The following ABCC11 variants were observed in gnomAD, a reference collection of about 807,000 sequenced individuals.
ABCC11 encodes ATP binding cassette subfamily C member 11.
A neutral mutation model predicts 149.3 loss-of-function variants in ABCC11; 135 were observed. The observed-to-expected ratio is 0.90, with a 90% CI of 0.79 to 1.04. The LOEUF (loss-of-function observed/expected upper bound fraction) is 1.04, where lower values mean the gene tolerates loss of function less well. ABCC11 is among the 50% of genes least tolerant of loss of function. ABCC11 has a pLI of 0.00. For missense variants in ABCC11, 1,680 were observed against 1,722.1 expected (o/e 0.98, Z 0.43); for synonymous variants, 665 against 671.4 (o/e 0.99, Z 0.15).
chr16:48,230,648 G>T (rs1970367949), intron 2 of ABCC11, 75 bp from the exon 3 acceptor site: 2 of 1,378,772 alleles, frequency 1.5e-6, no homozygotes, highest in Non-Finnish European at 1.9e-6. Context: ...TGGACCAGCT[G>T]CCCATGGAGA....
Position 48,177,438 on chromosome 16 carries a change from C to T in ABCC11, c.3349-325G>A, listed in dbSNP as rs150328299. Among the ~76,000 whole-genome samples, 1,056 of 152,320 alleles carry T rather than the reference C, an allele frequency of 6.9e-3. 13 individuals are homozygous for T. The highest frequency in any genetic ancestry group is 0.024 in the African/African-American group (992 of 41,578). ...TAAAGGCAGCAGAGACTCCCCCCTT[C>T]GGGGGGGTTCATAGCTCAGAGCCCT... On this transcript the variant is annotated intron_variant, in intron 24 of 29. Coordinates refer to ENST00000356608, the MANE Select transcript of ABCC11 (RefSeq NM_001370497.1).
chr16:48,182,046 G>A (rs1966467790), intron 23 of ABCC11, among the ~76,000 whole-genome samples: 1 of 152,126 alleles, frequency 6.6e-6, no homozygotes, highest in Non-Finnish European at 1.5e-5. Flanking sequence ...AGCTGTTATT[G>A]CACTCCCAGT....
intron 6 of ABCC11, among the ~76,000 whole-genome samples, chr16:48,221,376 C>A (rs949552471): frequency 6.6e-6 from 1 of 151,956 alleles, no homozygotes; most frequent in Non-Finnish European, 1.5e-5. Flanking sequence ...TCCCAGTATC[C>A]CCCACAACTA....
intron 2 of ABCC11, among the ~76,000 whole-genome samples, chr16:48,230,978 A>G (rs1171267163): frequency 6.6e-6 from 1 of 152,224 alleles, no homozygotes; most frequent in Non-Finnish European, 1.5e-5. Context: ...CTAAAATAAA[A>G]GGACAGGTAA....
chr16:48,175,454 G>T, intron 25 of ABCC11, 37 bp from the exon 26 acceptor site: 1 of 1,586,436 alleles, frequency 6.3e-7, no homozygotes, highest in South Asian at 1.1e-5. Flanking sequence ...TCAGTTTCCT[G>T]CATCTGCACT....
chr16:48,216,212 A>G lies in ABCC11; in HGVS notation c.853T>C (p.Cys285Arg). 6.2e-7 allele frequency: 1 copy of G among 1,613,866 alleles called. No individual in the cohort carries two copies. Among genetic ancestry groups the G allele is most frequent in the Non-Finnish European group, 8.5e-7 (1 of 1,179,706 alleles). ...VCYGPLVLITCASLVICSISS... is the reference protein window; with the variant it reads ...VCYGPLVLITRASLVICSISS... ...ATGCTGCAGATGACCAGCGATGCGC[A>G]GGTGATCAGTACTAGGGGTCCATAG... Residue 285 changes from cysteine (C) to arginine (R), a missense_variant, in exon 7 of 30, where the codon TGC (cysteine) becomes CGC (arginine). Cys to Arg is a radical substitution (Grantham distance 180). Coordinates refer to ENST00000356608, the MANE Select transcript of ABCC11 (RefSeq NM_001370497.1).
intron 4 of ABCC11, among the ~76,000 whole-genome samples, chr16:48,226,578 A>G (rs1226167634): frequency 1.3e-5 from 2 of 152,130 alleles, no homozygotes; most frequent in Admixed American, 1.3e-4. Flanking sequence ...CACCCGGCCA[A>G]TCCATTATTT....
At chr16:48,237,260 G>A (rs976784479) in intron 1 of ABCC11, among the ~76,000 whole-genome samples, 1 of 152,092 alleles carries the variant, frequency 6.6e-6, no homozygotes, top group Non-Finnish European at 1.5e-5. Context: ...TCACAAGGTA[G>A]GGCACATTGT....
rs11866251 is a variant in ABCC11, at chr16:48,193,951, G to A, written c.2436C>T (p.Phe812=). 264,319 of 1,612,814 alleles carry A rather than the reference G, an allele frequency of 0.16. 23,747 individuals carry two copies. Among genetic ancestry groups the A allele is most frequent in the African/African-American group, 0.25 (18,502 of 74,966 alleles). The change falls in exon 19 of 30, where the codon TTC becomes TTT. Residue 812 remains phenylalanine (F), a synonymous_variant. Transcript: ENST00000356608. ...GYMVSCIIFF[F]VVLIVFLTIF... ...TCGTTAAGAAGACGATCAGCACCAC[G>A]AAGAAGAAAATTATGCAAGAGACCA... is the stretch of plus-strand genomic sequence containing the variant.
intron 1 of ABCC11, chr16:48,244,278 C>T: frequency 2.7e-6 from 2 of 745,844 alleles, no homozygotes; most frequent in Middle Eastern, 2.5e-4. Flanking sequence ...TAGCGCGTAG[C>T]CGGAAGCGGA....
chr16:48,222,582 A>T lies in ABCC11; in HGVS notation c.777+16T>A. The T allele has an allele frequency of 2.5e-6, 4 of 1,606,492 alleles. No individual in the cohort carries two copies. Among genetic ancestry groups the T allele is most frequent in the Non-Finnish European group, 3.4e-6 (4 of 1,173,132 alleles). On this transcript the variant is annotated intron_variant, in intron 6 of 29. Coordinates refer to ENST00000356608, the MANE Select transcript of ABCC11 (RefSeq NM_001370497.1). ...TAGGGAAGCATGGCCCAGAATAGGC[A>T]GTCCCAGCTGCTTACCTCTCCTGAG...
At chr16:48,233,895 T>C (rs886969415) in intron 1 of ABCC11, among the ~76,000 whole-genome samples, 3 of 152,264 alleles carry the variant, frequency 2.0e-5, no homozygotes, top group Non-Finnish European at 2.9e-5. Context: ...TATATGTTGG[T>C]TGAATCTTCA....
chr16:48,243,127 G>A (rs1448728495), intron 1 of ABCC11, among the ~76,000 whole-genome samples: 12 of 151,558 alleles, frequency 7.9e-5, no homozygotes, highest in Non-Finnish European at 1.3e-4. Context: ...TTGGACGGGC[G>A]CAGTGGCTCA....
rs1274168598 is a variant in ABCC11, at chr16:48,165,902, A to C, written c.*1372T>G. 6.6e-6 allele frequency: 1 copy of C among 152,262 alleles called. No individual in the cohort carries two copies. Among genetic ancestry groups the C allele is most frequent in the Non-Finnish European group, 1.5e-5 (1 of 68,048 alleles). The allele number at this position is 152,262 out of a possible 1,614,324, so 9.4% of individuals were successfully genotyped here. A position where few individuals can be genotyped will look rare whatever the true frequency, so the allele number is the denominator to read the frequency against. The stretch of plus-strand genomic sequence containing the variant: ...TCTCCCCAGAAGTAAGTTGAAAATG[A>C]TTGCCTTTTCTATTTGTCTGTAACC... On this transcript the variant is annotated 3_prime_UTR_variant, in exon 30 of 30. Coordinates refer to ENST00000356608, the MANE Select transcript of ABCC11 (RefSeq NM_001370497.1).
At position 48,216,342 on chromosome 16, in the gene ABCC11, G is replaced by A; in HGVS notation, c.778-55C>T. On this transcript the variant is annotated intron_variant, in intron 6 of 29. Coordinates refer to ENST00000356608, the MANE Select transcript of ABCC11 (RefSeq NM_001370497.1). ...TGTCACCTCCCTGGGTACACAGAAG[G>A]GGTGGCAGGTGGCCTCCCCATGCCC... 1.9e-6 allele frequency: 3 copies of A among 1,571,990 alleles called. No individual in the cohort carries two copies. In the East Asian group the frequency reaches 6.8e-5, roughly 36 times the overall value.
chr16:48,176,853 C>T, intron 25 of ABCC11, 71 bp downstream of exon 25: 1 of 1,507,014 alleles, frequency 6.6e-7, no homozygotes, highest in Non-Finnish European at 9.0e-7. Context: ...CAAACACATG[C>T]CCCTAAATAG....
At chr16:48,168,573 T>C (rs1341777702) in intron 28 of ABCC11, among the ~76,000 whole-genome samples, 2 of 152,216 alleles carry the variant, frequency 1.3e-5, no homozygotes, top group African/African-American at 4.8e-5. Context: ...CATGTGTGTC[T>C]TGCCTCGCCT....
intron 1 of ABCC11, among the ~76,000 whole-genome samples, chr16:48,234,842 A>G (rs1970609703): frequency 6.6e-6 from 1 of 152,190 alleles, no homozygotes; most frequent in African/African-American, 2.4e-5. Context: ...GCTGGCTTGC[A>G]AAGACAGCAG....
In ABCC11 at chr16:48,170,115, C is replaced by T. The variant is rs774156655; in HGVS notation, c.3881G>A (p.Arg1294His). The T allele has an allele frequency of 2.2e-5, 35 of 1,613,584 alleles. No homozygotes were observed. The highest frequency in any genetic ancestry group is 6.7e-5 in the Admixed American group (4 of 59,946). ...QLLCIARAVLRNSKIILIDEA... is the reference protein window; with the variant it reads ...QLLCIARAVLHNSKIILIDEA... ...CAGTGGTGGCCTCACCTTGGAGTTG[C>T]GAAGCACAGCCCTGGCAATGCAGAG... The change falls in exon 28 of 30, where the codon CGC becomes CAC. Residue 1294 changes from arginine to histidine, a missense_variant. Arg to His is a conservative substitution (Grantham distance 29). Coordinates refer to ENST00000356608, the MANE Select transcript of ABCC11 (RefSeq NM_001370497.1).
Sources: allele counts gnomAD v4.1 joint callset (sites outside exome capture counted in the v4.1 genomes callset), GRCh38; gene constraint gnomAD v4.1.1; transcripts MANE v1.5; gene names NCBI Gene and HGNC (gene_info 2026-07-23, HGNC 2026-07-21).